PRORP: variants seen among roughly 807,000 people sequenced by gnomAD.
The protein encoded by PRORP is mitochondrial ribonuclease P catalytic subunit.
A neutral mutation model predicts 59.4 loss-of-function variants in PRORP; 51 were observed. That is an observed-to-expected ratio of 0.86 (90% CI 0.69 to 1.08). PRORP has a LOEUF of 1.08. Ranked by LOEUF, PRORP falls within the 50% of genes least tolerant of loss-of-function variation. PRORP has a pLI of 0.00. For synonymous variants in PRORP, 231 were observed against 245.6 expected, an observed-to-expected ratio of 0.94 and a Z score of 0.55; for missense variants, 646 against 690.3, an observed-to-expected ratio of 0.94 and a Z score of 0.72.
intron 5 of PRORP, among the ~76,000 whole-genome samples, chr14:35,248,328 G>GT (rs2050533323): frequency 6.6e-6 from 1 of 152,228 alleles, no homozygotes; most frequent in African/African-American, 2.4e-5. Flanking sequence ...AGAGGCAGAA[G>GT]TAGGACTCCT....
chr14:35,172,490 T>TCCTCTCTCCGTCTCTC (rs1566474583), intron 4 of PRORP, among the ~76,000 whole-genome samples: 1 of 102,890 alleles, frequency 9.7e-6, no homozygotes, highest in African/African-American at 4.4e-5. Flanking sequence ...TTCTTTCCCT[T>TCCTCTCTCCGTCTCTC]CCTCTCTCCC....
At chr14:35,181,678 G>A (rs148317184) in intron 5 of PRORP, among the ~76,000 whole-genome samples, 9,327 of 151,550 alleles carry the variant, frequency 0.062, 373 homozygotes, top group Middle Eastern at 0.11. Context: ...CCAGCTACTC[G>A]GGAGGCTGAG....
chr14:35,129,777 C>A (rs2047191486), intron 4 of PRORP, among the ~76,000 whole-genome samples: 1 of 152,028 alleles, frequency 6.6e-6, no homozygotes, highest in African/African-American at 2.4e-5. Flanking sequence ...CCGTGCCCAG[C>A]CTTGTATGTT....
Position 35,238,268 on chromosome 14 carries a change from C to T in PRORP, c.1276-28459C>T, listed in dbSNP as rs138230077. 2.2e-3 allele frequency among the ~76,000 whole-genome samples: 333 copies of T among 152,214 alleles called. 2 individuals carry two copies. Among genetic ancestry groups the T allele is most frequent in the African/African-American group, 4.5e-3 (186 of 41,526 alleles). On this transcript the variant is annotated intron_variant, in intron 5 of 7. Coordinates refer to ENST00000534898, the MANE Select transcript of PRORP (RefSeq NM_014672.4). ...CAAAGTCTGTGGTCTTTTACCGTGC[C>T]GCACTATCATGCCCTGTGGTATGCA...
At chr14:35,205,367 T>C (rs1382083839) in intron 5 of PRORP, among the ~76,000 whole-genome samples, 2 of 152,154 alleles carry the variant, frequency 1.3e-5, no homozygotes, top group African/African-American at 4.8e-5. Context: ...TATTTTATTT[T>C]TTAGTAGAGA....
At chr14:35,208,338 G>A (rs1255034205) in intron 5 of PRORP, among the ~76,000 whole-genome samples, 1 of 152,012 alleles carries the variant, frequency 6.6e-6, no homozygotes, top group African/African-American at 2.4e-5. Context: ...CTACTCCTGG[G>A]GCTGAAACAG....
intron 5 of PRORP, among the ~76,000 whole-genome samples, chr14:35,217,828 C>T (rs1440370179): frequency 6.6e-6 from 1 of 152,088 alleles, no homozygotes; most frequent in Non-Finnish European, 1.5e-5. Context: ...CAGTACCACA[C>T]AGTCTTAATT....
intron 5 of PRORP, among the ~76,000 whole-genome samples, chr14:35,257,314 A>G (rs1036837140): frequency 1.3e-5 from 2 of 152,128 alleles, no homozygotes; most frequent in Non-Finnish European, 2.9e-5. Context: ...GACTTTTCTC[A>G]TCTTCCCAAA....
intron 7 of PRORP, among the ~76,000 whole-genome samples, chr14:35,271,089 AAACAAAAAAC>A (rs919537561): frequency 1.3e-5 from 2 of 151,982 alleles, no homozygotes; most frequent in African/African-American, 4.8e-5. Context: ...TCCGTCTCAA[AAACAAAAAAC>A]AACATTTAGG....
At chr14:35,183,072 A>G (rs1353345805) in intron 5 of PRORP, among the ~76,000 whole-genome samples, 1 of 152,182 alleles carries the variant, frequency 6.6e-6, no homozygotes, top group Non-Finnish European at 1.5e-5. Flanking sequence ...ATATAAGTGT[A>G]AGAAGCAAAA....
At chr14:35,176,679 A>G (rs914922083) in intron 4 of PRORP, among the ~76,000 whole-genome samples, 8 of 152,214 alleles carry the variant, frequency 5.3e-5, no homozygotes, top group African/African-American at 1.4e-4. Flanking sequence ...CGATCATGTC[A>G]TCTGCAAACA....
intron 4 of PRORP, among the ~76,000 whole-genome samples, chr14:35,163,276 A>C (rs1413739831): frequency 6.6e-5 from 10 of 152,106 alleles, no homozygotes; most frequent in African/African-American, 2.4e-4. Context: ...TAAATGAAAA[A>C]AAATGTATAC....
intron 7 of PRORP, among the ~76,000 whole-genome samples, chr14:35,271,935 A>G (rs2051200961): frequency 6.6e-6 from 1 of 152,128 alleles, no homozygotes. Flanking sequence ...CTAAGGTACA[A>G]GAATCGCTTG....
At chr14:35,176,964 T>A (rs1206423357) in intron 4 of PRORP, among the ~76,000 whole-genome samples, 1 of 152,214 alleles carries the variant, frequency 6.6e-6, no homozygotes, top group African/African-American at 2.4e-5. Context: ...GCTGTTGAAT[T>A]TTGTCAAAGG....
In PRORP at chr14:35,145,002, C is replaced by T. The variant is rs1390223705; in HGVS notation, c.1167+17391C>T. On this transcript the variant is annotated intron_variant, in intron 4 of 7. Coordinates refer to ENST00000534898, the MANE Select transcript of PRORP (RefSeq NM_014672.4). ...TAGTTCTTTTGTTTGTTTTAAGAGA[C>T]CCTTGTCACCCAAACTAGAGTGCAG... Among the ~76,000 whole-genome samples, 5 of 145,296 alleles carry T rather than the reference C, an allele frequency of 3.4e-5. 2 individuals carry two copies. In the Admixed American group the frequency reaches 3.6e-4, roughly 10 times the overall value.
chr14:35,181,943 A>G (rs1566481689), intron 5 of PRORP, among the ~76,000 whole-genome samples: 1 of 152,162 alleles, frequency 6.6e-6, no homozygotes, highest in East Asian at 1.9e-4. Flanking sequence ...GAACTAAAAA[A>G]TATAAACACT....
intron 4 of PRORP, among the ~76,000 whole-genome samples, chr14:35,129,479 CTTTT>C (rs1230052932): frequency 7.1e-6 from 1 of 140,910 alleles, no homozygotes. Flanking sequence ...TTGTATTTTT[CTTTT>C]TTTTTTTTTG....
At chr14:35,195,860 C>T (rs1402115488) in intron 5 of PRORP, among the ~76,000 whole-genome samples, 1 of 152,044 alleles carries the variant, frequency 6.6e-6, no homozygotes, top group Non-Finnish European at 1.5e-5. Flanking sequence ...TCATAACCAA[C>T]AGTTATGTTA....
At chr14:35,197,096 T>C (rs559451497) in intron 5 of PRORP, among the ~76,000 whole-genome samples, 6 of 152,312 alleles carry the variant, frequency 3.9e-5, no homozygotes, top group Admixed American at 1.3e-4. Flanking sequence ...TTAAAAACAC[T>C]GTGTTGCCAA....
Sources: gnomAD v4.1 joint callset for allele counts (sites outside exome capture counted in the v4.1 genomes callset) on GRCh38, gnomAD v4.1.1 for gene constraint, MANE v1.5 for transcripts, NCBI Gene and HGNC (gene_info 2026-07-23, HGNC 2026-07-21) for gene names.